INPP5D: variants seen among roughly 807,000 people sequenced by gnomAD.
INPP5D encodes the protein phosphatidylinositol 3,4,5-trisphosphate 5-phosphatase 1.
A neutral mutation model predicts 122.9 loss-of-function variants in INPP5D; 33 were observed. That is an observed-to-expected ratio of 0.27 (90% CI 0.20 to 0.36). The LOEUF is 0.36. INPP5D is among the 10% of genes least tolerant of loss of function. The pLI is 1.00. For missense variants in INPP5D, 1,053 were observed against 1,412.7 expected (o/e 0.75, Z 4.08); for synonymous variants, 584 against 576.2 (o/e 1.01, Z -0.19).
At position 233,170,762 on chromosome 2, in the gene INPP5D, C is replaced by T. The variant is rs568984563; in HGVS notation, c.1900+158C>T. Reference sequence around the variant, plus strand: ...ACTTAAAAAAATACAAAAAATTAGCCGGGTGTGGTGGCGGGTGCCTGTAGT... The same window carrying T: ...ACTTAAAAAAATACAAAAAATTAGCTGGGTGTGGTGGCGGGTGCCTGTAGT... On this transcript the variant is annotated intron_variant, in intron 16 of 26. Coordinates refer to ENST00000445964, the MANE Select transcript of INPP5D (RefSeq NM_001017915.3). The surrounding 1 kb of genome is among the most constrained non-coding windows in gnomAD (Gnocchi z 4.5). 3.3e-5 allele frequency among the ~76,000 whole-genome samples: 5 copies of T among 151,932 alleles called. No individual in the cohort carries two copies. The South Asian group carries it at 6.2e-4, about 19-fold the overall frequency.
chr2:233,134,489 G>A (rs1559311286), intron 5 of INPP5D, among the ~76,000 whole-genome samples: 1 of 152,150 alleles, frequency 6.6e-6, no homozygotes, highest in Non-Finnish European at 1.5e-5. Context: ...GAAGGACATT[G>A]AGCACTGAGG....
At chr2:233,154,304 A>G (rs967350665) in intron 9 of INPP5D, among the ~76,000 whole-genome samples, 9 of 152,186 alleles carry the variant, frequency 5.9e-5, no homozygotes, top group Non-Finnish European at 1.3e-4. Context: ...ATGCACCACC[A>G]TGCCCGGCTA....
At chr2:233,068,203 T>G (rs1330989146) in intron 1 of INPP5D, among the ~76,000 whole-genome samples, 1 of 151,204 alleles carries the variant, frequency 6.6e-6, no homozygotes, top group Non-Finnish European at 1.5e-5. Context: ...CAGAATTGCT[T>G]GAACTTGGGA....
At chr2:233,158,270 G>T in intron 9 of INPP5D, 43 bp from the exon 10 acceptor site, 1 of 686,996 alleles carries the variant, frequency 1.5e-6, no homozygotes, top group South Asian at 1.6e-5. Context: ...CATATTGGTT[G>T]AATGAGTGGA....
chr2:233,145,340 C>A (rs142474245), intron 6 of INPP5D: 1 of 456,134 alleles, frequency 2.2e-6, no homozygotes, highest in South Asian at 1.5e-5. Context: ...GGAGCATCTT[C>A]GTTGGCCAGA....
At chr2:233,067,220 A>T (rs982352953) in intron 1 of INPP5D, among the ~76,000 whole-genome samples, 14 of 152,046 alleles carry the variant, frequency 9.2e-5, no homozygotes, top group Non-Finnish European at 1.8e-4. Flanking sequence ...TTCCCTCTCC[A>T]CCCAAACCCT....
chr2:233,104,864 A>G (rs1212929835), intron 2 of INPP5D, among the ~76,000 whole-genome samples: 1 of 152,128 alleles, frequency 6.6e-6, no homozygotes, highest in Non-Finnish European at 1.5e-5. Context: ...GGCTCCCAGG[A>G]GAAACCAGTA....
intron 2 of INPP5D, among the ~76,000 whole-genome samples, chr2:233,114,373 G>A (rs1312485830): frequency 6.6e-6 from 1 of 152,212 alleles, no homozygotes; most frequent in Non-Finnish European, 1.5e-5. Context: ...ACCATCCTGA[G>A]GGCAGGAGAG....
At position 233,184,394 on chromosome 2, in the gene INPP5D, C is replaced by T. The variant is rs373435740; in HGVS notation, c.2162-14C>T. ...CACATTGTGGAACTGAATCCGTGTTCTCCCCTGTTCCAGGTCCCGGGACTG... is the reference window on the plus strand; with the variant it reads ...CACATTGTGGAACTGAATCCGTGTTTTCCCCTGTTCCAGGTCCCGGGACTG... On this transcript the variant is annotated splice_polypyrimidine_tract_variant and intron_variant, in intron 19 of 26. Transcript: ENST00000445964. 37 of 1,613,434 alleles carry T rather than the reference C, an allele frequency of 2.3e-5. No homozygotes were observed. In the African/African-American group the frequency reaches 3.1e-4, roughly 13 times the overall value.
At position 233,200,148 on chromosome 2, in the gene INPP5D, C is replaced by T. The variant is rs189716464; in HGVS notation, c.2975+1772C>T. On this transcript the variant is annotated intron_variant, in intron 25 of 26. Transcript: ENST00000445964. ...AACTGATCTGAGTCTAGAACTGGTT[C>T]AGGCAGAAGAATGGAAGCCAGATAG... Among the ~76,000 whole-genome samples the T allele has an allele frequency of 1.5e-4, 23 of 152,334 alleles. No homozygotes were observed. In the East Asian group the frequency reaches 2.5e-3, roughly 17 times the overall value.
In INPP5D at chr2:233,164,550, G is replaced by A. The variant is rs1694279065; in HGVS notation, c.1555+126G>A. ...GAGAGCCTCACATCCTCAGATCCTG[G>A]CTCAGTCCTCAGCAAATAGGGGTGA... On this transcript the variant is annotated intron_variant, in intron 13 of 26. Transcript: ENST00000445964. The surrounding 1 kb of genome is among the most constrained non-coding windows in gnomAD (Gnocchi z 4.3). 3 of 1,344,946 alleles carry A rather than the reference G, an allele frequency of 2.2e-6. No homozygotes were observed. The highest frequency in any genetic ancestry group is 2.7e-5 in the Admixed American group (1 of 36,520). The allele number at this position is 1,344,946 out of a possible 1,614,324, so 83.3% of individuals were successfully genotyped here. A position where few individuals can be genotyped will look rare whatever the true frequency, so the allele number is the denominator to read the frequency against.
At chr2:233,162,243 GACAGAGAGA>G (rs748700750) in intron 11 of INPP5D, among the ~76,000 whole-genome samples, 52,349 of 152,004 alleles carry the variant, frequency 0.34, 11,209 homozygotes, top group Non-Finnish European at 0.48. Context: ...GACAGAGAGA[GACAGAGAGA>G]TAGGTACGTA....
chr2:233,104,057 C>T (rs1692397644), intron 2 of INPP5D, among the ~76,000 whole-genome samples: 1 of 135,286 alleles, frequency 7.4e-6, no homozygotes. Flanking sequence ...GTCGCCCAGG[C>T]TGGAGTGTAG....
At chr2:233,111,195 T>G (rs1692616796) in intron 2 of INPP5D, among the ~76,000 whole-genome samples, 1 of 152,216 alleles carries the variant, frequency 6.6e-6, no homozygotes, top group African/African-American at 2.4e-5. Flanking sequence ...AAGACTCTCC[T>G]TTGTAACCAC....
chr2:233,156,767 T>C lies in INPP5D; in HGVS notation c.1031-1546T>C, dbSNP rs531046676. Among the ~76,000 whole-genome samples, 10 of 152,264 alleles carry C rather than the reference T, an allele frequency of 6.6e-5. No homozygotes were observed. In the South Asian group the frequency reaches 1.9e-3, roughly 28 times the overall value. ...ACCCTCTACCTGGCAGGTACCCAGA[T>C]TACAGACTCCCAAAAGGAAAACAGG... On this transcript the variant is annotated intron_variant, in intron 9 of 26. Transcript: ENST00000445964.
rs182347309 is a variant in INPP5D, at chr2:233,113,389, A to T, written c.199-8718A>T. 3.9e-5 allele frequency among the ~76,000 whole-genome samples: 6 copies of T among 152,296 alleles called. No homozygotes were observed. The East Asian group carries it at 1.2e-3, about 29-fold the overall frequency. ...GGAAAGGAACCAATAAAATGTTTTT[A>T]AAAAAAGAGAAGGGAGGGAAGAGGA... On this transcript the variant is annotated intron_variant, in intron 2 of 26. Transcript: ENST00000445964.
intron 1 of INPP5D, among the ~76,000 whole-genome samples, chr2:233,069,246 T>C (rs1225603819): frequency 1.3e-5 from 2 of 152,208 alleles, no homozygotes; most frequent in Non-Finnish European, 2.9e-5. Flanking sequence ...CGAGAGATCA[T>C]TTGGGACCTC....
intron 23 of INPP5D, 36 bp downstream of exon 23, chr2:233,193,997 C>T (rs1023769153): frequency 3.2e-6 from 5 of 1,541,592 alleles, no homozygotes; most frequent in Non-Finnish European, 4.4e-6. Context: ...CCCTCTTCAG[C>T]CCCCCACTTA....
In INPP5D at chr2:233,070,249, A is replaced by AT. The variant is rs201204376; in HGVS notation, c.135-9077dup. On this transcript the variant is annotated intron_variant, in intron 1 of 26. Coordinates refer to ENST00000445964, the MANE Select transcript of INPP5D (RefSeq NM_001017915.3). ...TTGTGATTTTCCTTTAAGTTTTATGATTTTTTTTTGACATTCAGGGACTGT... is the reference window on the plus strand; with the variant it reads ...TTGTGATTTTCCTTTAAGTTTTATGATTTTTTTTTTGACATTCAGGGACTGT... 1.3e-3 allele frequency among the ~76,000 whole-genome samples: 195 copies of AT among 151,342 alleles called. 1 individual carries two copies. The highest frequency in any genetic ancestry group is 4.0e-3 in the African/African-American group (165 of 41,260).
Sources: gnomAD v4.1 joint callset for allele counts (sites outside exome capture counted in the v4.1 genomes callset) on GRCh38, gnomAD v4.1.1 for gene constraint, Gnocchi (gnomAD v3.1) non-coding constraint, MANE v1.5 for transcripts, NCBI Gene and HGNC (gene_info 2026-07-23, HGNC 2026-07-21) for gene names.